The following KCNQ5 variants were observed in gnomAD, a reference collection of about 807,000 sequenced individuals.
The protein encoded by KCNQ5 is potassium voltage-gated channel subfamily Q member 5, also known as potassium voltage-gated channel subfamily KQT member 5.
Under a neutral mutation model 98.2 loss-of-function variants are expected in KCNQ5, and 30 were observed. That is an observed-to-expected ratio of 0.31 (90% CI 0.23 to 0.41). The LOEUF is 0.41. KCNQ5 is among the 10% of genes least tolerant of loss of function. The pLI, the probability that KCNQ5 is intolerant of heterozygous loss-of-function variation, is 1.00. For synonymous variants in KCNQ5, 458 were observed against 449.4 expected (o/e 1.02, Z -0.24); for missense variants, 835 against 1,182.5 (o/e 0.71, Z 4.31).
intron 1 of KCNQ5, among the ~76,000 whole-genome samples, chr6:72,939,191 C>CT (rs1490117139): frequency 6.6e-6 from 1 of 152,126 alleles, no homozygotes; most frequent in East Asian, 1.9e-4. Context: ...CGTCTGTGCC[C>CT]TGGCACACTT....
chr6:73,157,397 G>T (rs570322968), intron 10 of KCNQ5: 2 of 582,288 alleles, frequency 3.4e-6, no homozygotes, highest in Non-Finnish European at 6.2e-6. Context: ...CACAATTTCT[G>T]GGGGGCAGCG....
At chr6:72,646,181 C>T (rs73533663) in intron 1 of KCNQ5, among the ~76,000 whole-genome samples, 1,688 of 152,082 alleles carry the variant, frequency 0.011, 31 homozygotes, top group African/African-American at 0.039. Context: ...AGCAGGATCC[C>T]ATCCATCATA....
At position 72,622,876 on chromosome 6, in the gene KCNQ5, G is replaced by A. The variant is rs1365242705; in HGVS notation, c.398+289G>A. ...GCAGACGCGGGACTTAGGCTGCGCG[G>A]ATAATTGGGAGCAATTAGGTCCCAA... On this transcript the variant is annotated intron_variant, in intron 1 of 13. Transcript: ENST00000370398. The surrounding 1 kb of genome is among the most constrained non-coding windows in gnomAD (Gnocchi z 6.0). 6.6e-6 allele frequency among the ~76,000 whole-genome samples: 1 copy of A among 152,162 alleles called. No individual in the cohort carries two copies. The highest frequency in any genetic ancestry group is 1.9e-4 in the East Asian group (1 of 5,178).
At chr6:72,918,623 G>C (rs1270324579) in intron 1 of KCNQ5, among the ~76,000 whole-genome samples, 1 of 151,962 alleles carries the variant, frequency 6.6e-6, no homozygotes, top group Non-Finnish European at 1.5e-5. Context: ...TTGAGGGCTG[G>C]CTGGCCCTAC....
intron 1 of KCNQ5, among the ~76,000 whole-genome samples, chr6:72,917,579 T>C (rs1453811558): frequency 1.3e-5 from 2 of 152,040 alleles, no homozygotes; most frequent in South Asian, 2.1e-4. Flanking sequence ...TTCAAGCGAT[T>C]CTCCTGCCTC....
intron 3 of KCNQ5, chr6:73,055,767 T>A: frequency 1.0e-6 from 1 of 984,994 alleles, no homozygotes; most frequent in Non-Finnish European, 1.6e-6. Context: ...TTGAAGCCCA[T>A]CAAGCCCAGC....
intron 1 of KCNQ5, among the ~76,000 whole-genome samples, chr6:72,954,162 A>G (rs929534568): frequency 1.3e-5 from 2 of 152,198 alleles, no homozygotes; most frequent in Admixed American, 6.5e-5. Context: ...TCTGTGACAC[A>G]GAACAAGTTT....
At chr6:73,032,689 G>A (rs895821622) in intron 2 of KCNQ5, among the ~76,000 whole-genome samples, 1 of 152,148 alleles carries the variant, frequency 6.6e-6, no homozygotes, top group African/African-American at 2.4e-5. Context: ...TCTGGGTCCA[G>A]TTCAAGGTAC....
chr6:73,139,819 C>A (rs1243037362), intron 10 of KCNQ5, among the ~76,000 whole-genome samples: 2 of 152,206 alleles, frequency 1.3e-5, no homozygotes, highest in Non-Finnish European at 2.9e-5. Flanking sequence ...TTCCTCTCCA[C>A]CTCCTCAGCA....
intron 5 of KCNQ5, among the ~76,000 whole-genome samples, chr6:73,100,751 A>G (rs920796559): frequency 6.6e-6 from 1 of 152,068 alleles, no homozygotes; most frequent in Non-Finnish European, 1.5e-5. Context: ...TAGCCAGACT[A>G]AGAAAAAAGG....
At chr6:72,856,206 T>G (rs1233904220) in intron 1 of KCNQ5, among the ~76,000 whole-genome samples, 4 of 152,180 alleles carry the variant, frequency 2.6e-5, no homozygotes, top group African/African-American at 4.8e-5. Flanking sequence ...CTGGTTTAGA[T>G]TACAGCCTAC....
intron 6 of KCNQ5, among the ~76,000 whole-genome samples, chr6:73,106,825 C>T (rs572359563): frequency 1.7e-3 from 266 of 152,128 alleles, no homozygotes; most frequent in African/African-American, 6.3e-3. Flanking sequence ...ATTATTGAGC[C>T]CAGAGAAATT....
chr6:72,786,106 CA>C (rs1339866351), intron 1 of KCNQ5, among the ~76,000 whole-genome samples: 1 of 152,156 alleles, frequency 6.6e-6, no homozygotes, highest in Non-Finnish European at 1.5e-5. Context: ...ATTGTTATGA[CA>C]TATAAAAATT....
rs73756511 is a variant in KCNQ5, at chr6:72,763,583, C to A, written c.398+140996C>A. Among the ~76,000 whole-genome samples the A allele has an allele frequency of 7.1e-3, 1,086 of 152,034 alleles. 12 individuals are homozygous for A. The highest frequency in any genetic ancestry group is 0.025 in the African/African-American group (1,037 of 41,510). On this transcript the variant is annotated intron_variant, in intron 1 of 13. Transcript: ENST00000370398. Reference sequence around the variant, plus strand: ...AATGTAAATTCTTACAATTCTAATACCTTAGTATTTGAAAATGTTATGTTA... The same window carrying A: ...AATGTAAATTCTTACAATTCTAATAACTTAGTATTTGAAAATGTTATGTTA...
chr6:73,111,573 T>A (rs1193039571), intron 7 of KCNQ5, among the ~76,000 whole-genome samples, 170 bp downstream of exon 7: 1 of 152,232 alleles, frequency 6.6e-6, no homozygotes, highest in African/African-American at 2.4e-5. Flanking sequence ...CTTGGATTTG[T>A]TCCTCCTCTC....
At chr6:72,823,831 A>G (rs1435940726) in intron 1 of KCNQ5, among the ~76,000 whole-genome samples, 1 of 152,196 alleles carries the variant, frequency 6.6e-6, no homozygotes, top group Non-Finnish European at 1.5e-5. Flanking sequence ...GATAGTGTGA[A>G]TTGTGCAGAC....
intron 1 of KCNQ5, among the ~76,000 whole-genome samples, chr6:72,749,137 G>A (rs1287319169): frequency 6.6e-6 from 1 of 152,048 alleles, no homozygotes; most frequent in East Asian, 1.9e-4. Context: ...TGCCATGATA[G>A]AACCTTACAA....
intron 10 of KCNQ5, among the ~76,000 whole-genome samples, chr6:73,160,451 C>A (rs897873529): frequency 6.6e-6 from 1 of 152,132 alleles, no homozygotes; most frequent in African/African-American, 2.4e-5. Flanking sequence ...TTGATGGCTG[C>A]GAGTAGAAGA....
chr6:72,966,890 A>G (rs910992862), intron 1 of KCNQ5, among the ~76,000 whole-genome samples: 5 of 152,210 alleles, frequency 3.3e-5, no homozygotes, highest in Non-Finnish European at 4.4e-5. Flanking sequence ...AAAGTTACCC[A>G]ATTACACCTT....
Sources: gnomAD v4.1 joint callset for allele counts (sites outside exome capture counted in the v4.1 genomes callset) on GRCh38, gnomAD v4.1.1 for gene constraint, Gnocchi (gnomAD v3.1) non-coding constraint, MANE v1.5 for transcripts, NCBI Gene and HGNC (gene_info 2026-07-23, HGNC 2026-07-21) for gene names.